Variants in MT1E observed in about 807,000 individuals in gnomAD.
MT1E encodes the protein metallothionein 1E.
Under a neutral mutation model 2.4 loss-of-function variants are expected in MT1E, and 1 was observed. The observed-to-expected ratio is 0.41, with a 90% CI of 0.15 to 1.97. The LOEUF (loss-of-function observed/expected upper bound fraction) is 1.97, where lower values mean the gene tolerates loss of function less well. Ranked by LOEUF, MT1E falls within the 30% of genes most tolerant of loss-of-function variation. MT1E has a pLI of 0.30. For missense variants in MT1E, 145 were observed against 149.6 expected (o/e 0.97, Z 0.16); for synonymous variants, 78 against 63.0 (o/e 1.24, Z -1.13).
rs150126269 is a variant in MT1E at position 56,627,110 on chromosome 16, T to G, written c.*289T>G. On this transcript the variant is annotated 3_prime_UTR_variant, in exon 2 of 2. Transcript: ENST00000330439. The stretch of plus-strand genomic sequence containing the variant: ...CTGACAATAAAAACAATTTTGACTT[T>G]AATCTTACTCTGTTCTTCTTTGTGT... 9.9e-3 allele frequency: 12,108 copies of G among 1,217,178 alleles called. 319 individuals are homozygous for G. Among genetic ancestry groups the G allele is most frequent in the South Asian group, 0.083 (5,377 of 64,496 alleles). The allele number at this position is 1,217,178 out of a possible 1,614,324, so 75.4% of individuals were successfully genotyped here.
At chr16:56,626,249 T>G (rs1338869036) in intron 1 of MT1E, among the ~76,000 whole-genome samples, 4 of 152,190 alleles carry the variant, frequency 2.6e-5, no homozygotes, top group African/African-American at 9.7e-5. Context: ...GGGTTGTATG[T>G]GCACGTGGGA....
In MT1E at chr16:56,626,758, G is replaced by C; in HGVS notation, c.321G>C (p.Leu107=). 6.2e-7 allele frequency: 1 copy of C among 1,611,972 alleles called. No individual in the cohort carries two copies. Among genetic ancestry groups the C allele is most frequent in the Non-Finnish European group, 8.5e-7 (1 of 1,179,222 alleles). The part of the protein sequence containing the change: ...NCTPYGFRTE[L]CQTKKSILWV... ...CCCCCTATGGTTTCAGAACAGAGCT[G>C]TGCCAGACGAAAAAAAGCATCCTCT... Residue 107 remains leucine, a synonymous_variant, in exon 2 of 2, where the codon CTG becomes CTC. Transcript: ENST00000330439.
At position 56,626,823 on chromosome 16, in the gene MT1E, G is replaced by A. The variant is rs779886504; in HGVS notation, c.*2G>A. On this transcript the variant is annotated 3_prime_UTR_variant, in exon 2 of 2. Transcript: ENST00000330439. ...AGCTCGAGCCAGGCTTGCTATTAGG[G>A]CAGGGAGGTGCCCGGTCAAGTCTAC... 47 of 1,614,014 alleles carry A rather than the reference G, an allele frequency of 2.9e-5. No homozygotes were observed. In the East Asian group the frequency reaches 1.0e-3, roughly 35 times the overall value.
chr16:56,625,868 C>T lies in MT1E; in HGVS notation c.17C>T (p.Ser6Phe). The T allele has an allele frequency of 6.2e-7, 1 of 1,613,788 alleles. No homozygotes were observed. ...TTGCTCGAAATGGACCCCAACTGCT[C>T]TTGCGCCACTGGTAAGGGAAGCTCT... The part of the protein sequence containing the change: MDPNC[S>F]CATGGSCTCA... Residue 6 changes from serine to phenylalanine, a missense_variant, in exon 1 of 2, where the codon TCT (serine) becomes TTT (phenylalanine). By Grantham distance (155) the Ser-to-Phe change is radical. Coordinates refer to ENST00000330439, the MANE Select transcript of MT1E (RefSeq NM_001363555.2).
rs747711539 is a variant in MT1E, at chr16:56,626,609, T to C, written c.172T>C (p.Ser58Pro). The C allele has an allele frequency of 3.1e-6, 5 of 1,613,952 alleles. No individual in the cohort carries two copies. The highest frequency in any genetic ancestry group is 2.2e-5 in the South Asian group (2 of 91,088). Residue 58 changes from serine to proline, a missense_variant, in exon 2 of 2, where the codon TCC (serine) becomes CCC (proline). Transcript: ENST00000330439. Reference protein sequence around the residue: ...GGNSRLALSASFWGTGLSLPS... With the variant: ...GGNSRLALSAPFWGTGLSLPS... ...GAACTCAAGGCTGGCCCTGAGTGCA[T>C]CCTTCTGGGGAACTGGGCTTTCTTT...
rs368799710 is a variant in MT1E, at chr16:56,626,836, C to T, written c.*15C>T. On this transcript the variant is annotated 3_prime_UTR_variant, in exon 2 of 2. Transcript: ENST00000330439. ...CTTGCTATTAGGGCAGGGAGGTGCCCGGTCAAGTCTACTGCCACCTCTCAC... is the reference window on the plus strand; with the variant it reads ...CTTGCTATTAGGGCAGGGAGGTGCCTGGTCAAGTCTACTGCCACCTCTCAC... 1.2e-5 allele frequency: 20 copies of T among 1,614,160 alleles called. No homozygotes were observed. Among genetic ancestry groups the T allele is most frequent in the East Asian group, 4.5e-5 (2 of 44,886 alleles).
chr16:56,626,335 T>C, intron 1 of MT1E, 131 bp from the exon 2 acceptor site: 2 of 1,373,076 alleles, frequency 1.5e-6, no homozygotes, highest in Non-Finnish European at 2.1e-6. Context: ...CTTCTGTTCC[T>C]CTGTCCTGAG....
Position 56,626,699 on chromosome 16 carries a change from G to T in MT1E, c.262G>T (p.Ala88Ser). 1.9e-6 allele frequency: 3 copies of T among 1,589,202 alleles called. No homozygotes were observed. The highest frequency in any genetic ancestry group is 2.6e-6 in the Non-Finnish European group (3 of 1,167,810). Residue 88 changes from alanine (A) to serine (S), a missense_variant, in exon 2 of 2, where the codon GCA becomes TCA. Ala to Ser is a moderately conservative substitution (Grantham distance 99, BLOSUM62 1). Transcript: ENST00000330439. ...FCPKFRWGRT[A>S]FFSWDTNPNC... The stretch of plus-strand genomic sequence containing the variant: ...CCCTAAATTCAGATGGGGCAGGACA[G>T]CATTTTTCTCGTGGGACACAAACCC...
Position 56,627,098 on chromosome 16 carries a change from C to A in MT1E, c.*277C>A, listed in dbSNP as rs1466044404. 2 of 1,289,630 alleles carry A rather than the reference C, an allele frequency of 1.6e-6. No homozygotes were observed. The highest frequency in any genetic ancestry group is 1.1e-6 in the Non-Finnish European group (1 of 943,112). 79.9% of individuals were successfully genotyped at this position (1,289,630 alleles called of 1,614,324 possible). A position where few individuals can be genotyped will look rare whatever the true frequency, so the allele number is the denominator to read the frequency against. The stretch of plus-strand genomic sequence containing the variant: ...CTAAATATGTGACTGACAATAAAAA[C>A]AATTTTGACTTTAATCTTACTCTGT... On this transcript the variant is annotated 3_prime_UTR_variant, in exon 2 of 2. Transcript: ENST00000330439.
rs1176019977 is a variant in MT1E at position 56,626,853 on chromosome 16, A to C, written c.*32A>C. 6.2e-7 allele frequency: 1 copy of C among 1,613,992 alleles called. No homozygotes were observed. The highest frequency in any genetic ancestry group is 8.5e-7 in the Non-Finnish European group (1 of 1,180,002). On this transcript the variant is annotated 3_prime_UTR_variant, in exon 2 of 2. Coordinates refer to ENST00000330439, the MANE Select transcript of MT1E (RefSeq NM_001363555.2). ...GAGGTGCCCGGTCAAGTCTACTGCC[A>C]CCTCTCACTCTCCCCTTCTTCCCCA...
chr16:56,626,843 G>A lies in MT1E; in HGVS notation c.*22G>A. ...TTAGGGCAGGGAGGTGCCCGGTCAA[G>A]TCTACTGCCACCTCTCACTCTCCCC... is the stretch of plus-strand genomic sequence containing the variant. On this transcript the variant is annotated 3_prime_UTR_variant, in exon 2 of 2. Coordinates refer to ENST00000330439, the MANE Select transcript of MT1E (RefSeq NM_001363555.2). 2.5e-6 allele frequency: 4 copies of A among 1,614,216 alleles called. No homozygotes were observed. Among genetic ancestry groups the A allele is most frequent in the Non-Finnish European group, 2.5e-6 (3 of 1,180,030 alleles).
Position 56,627,109 on chromosome 16 carries a change from T to G in MT1E, c.*288T>G. The G allele has an allele frequency of 8.2e-7, 1 of 1,223,048 alleles. No homozygotes were observed. The highest frequency in any genetic ancestry group is 1.5e-5 in the South Asian group (1 of 64,818). The allele number at this position is 1,223,048 out of a possible 1,614,324, so 75.8% of individuals were successfully genotyped here. On this transcript the variant is annotated 3_prime_UTR_variant, in exon 2 of 2. Coordinates refer to ENST00000330439, the MANE Select transcript of MT1E (RefSeq NM_001363555.2). ...ACTGACAATAAAAACAATTTTGACT[T>G]TAATCTTACTCTGTTCTTCTTTGTG...
rs1326245520 is a variant in MT1E at position 56,627,003 on chromosome 16, A to G, written c.*182A>G. 2 of 1,612,278 alleles carry G rather than the reference A, an allele frequency of 1.2e-6. No homozygotes were observed. Among genetic ancestry groups the G allele is most frequent in the African/African-American group, 2.7e-5 (2 of 74,836 alleles). On this transcript the variant is annotated 3_prime_UTR_variant, in exon 2 of 2. Coordinates refer to ENST00000330439, the MANE Select transcript of MT1E (RefSeq NM_001363555.2). The stretch of plus-strand genomic sequence containing the variant: ...AACAGCTCTTCTCCCAGATGTAAAT[A>G]GAACAACCTGCACAACCTGGATTTT...
At position 56,626,773 on chromosome 16, in the gene MT1E, A is replaced by G. The variant is rs117777471; in HGVS notation, c.336A>G (p.Lys112=). 0.098 allele frequency: 157,370 copies of G among 1,613,292 alleles called. 8,759 individuals are homozygous for G. The highest frequency in any genetic ancestry group is 0.11 in the Non-Finnish European group (134,147 of 1,179,654). The change falls in exon 2 of 2, where the codon AAA becomes AAG. Residue 112 remains lysine (K), a synonymous_variant. Transcript: ENST00000330439. ...GFRTELCQTK[K]SILWVWVLSS... is the part of the protein sequence containing the mutation. ...GAACAGAGCTGTGCCAGACGAAAAA[A>G]AGCATCCTCTGGGTCTGGGTTCTGA... is the stretch of plus-strand genomic sequence containing the variant.
chr16:56,627,037 T>C lies in MT1E; in HGVS notation c.*216T>C, dbSNP rs930283643. 22 of 1,585,980 alleles carry C rather than the reference T, an allele frequency of 1.4e-5. No individual in the cohort carries two copies. The African/African-American group carries it at 2.7e-4, about 19-fold the overall frequency. On this transcript the variant is annotated 3_prime_UTR_variant, in exon 2 of 2. Transcript: ENST00000330439. ...TGCACAACCTGGATTTTTTTAAAAA[T>C]ACAACACTGAGCCATTTGCTGCATT... is the stretch of plus-strand genomic sequence containing the variant.
In MT1E at chr16:56,627,105, G is replaced by T; in HGVS notation, c.*284G>T. ...TGTGACTGACAATAAAAACAATTTTGACTTTAATCTTACTCTGTTCTTCTT... is the reference window on the plus strand; with the variant it reads ...TGTGACTGACAATAAAAACAATTTTTACTTTAATCTTACTCTGTTCTTCTT... On this transcript the variant is annotated 3_prime_UTR_variant, in exon 2 of 2. Transcript: ENST00000330439. 1.6e-6 allele frequency: 2 copies of T among 1,255,216 alleles called. No individual in the cohort carries two copies. The highest frequency in any genetic ancestry group is 1.1e-6 in the Non-Finnish European group (1 of 916,022). The allele number at this position is 1,255,216 out of a possible 1,614,324, so 77.8% of individuals were successfully genotyped here. A position where few individuals can be genotyped will look rare whatever the true frequency, so the allele number is the denominator to read the frequency against.
chr16:56,626,573 A>G lies in MT1E; in HGVS notation c.136A>G (p.Arg46Gly), dbSNP rs372095751. The change falls in exon 2 of 2, where the codon AGG becomes GGG. Residue 46 changes from arginine to glycine, a missense_variant. Coordinates refer to ENST00000330439, the MANE Select transcript of MT1E (RefSeq NM_001363555.2). ...CTCCAGGAATCTGGGGCTGTGGCTC[A>G]GGTTGGGAGGGAACTCAAGGCTGGC... ...AISRNLGLWL[R>G]LGGNSRLALS... The G allele has an allele frequency of 4.2e-5, 67 of 1,614,228 alleles. No homozygotes were observed. The African/African-American group carries it at 7.5e-4, about 18-fold the overall frequency.
rs374492599 is a variant in MT1E, at chr16:56,627,012, T to C, written c.*191T>C. On this transcript the variant is annotated 3_prime_UTR_variant, in exon 2 of 2. Transcript: ENST00000330439. ...TCTCCCAGATGTAAATAGAACAACC[T>C]GCACAACCTGGATTTTTTTAAAAAT... 6.2e-7 allele frequency: 1 copy of C among 1,607,430 alleles called. No individual in the cohort carries two copies. Among genetic ancestry groups the C allele is most frequent in the Non-Finnish European group, 8.5e-7 (1 of 1,176,576 alleles).
Position 56,626,962 on chromosome 16 carries a change from C to T in MT1E, c.*141C>T. 3 of 1,614,250 alleles carry T rather than the reference C, an allele frequency of 1.9e-6. No individual in the cohort carries two copies. The highest frequency in any genetic ancestry group is 2.5e-6 in the Non-Finnish European group (3 of 1,180,046). On this transcript the variant is annotated 3_prime_UTR_variant, in exon 2 of 2. Transcript: ENST00000330439. Reference sequence around the variant, plus strand: ...AAGGGGCATCGGAGAAGTGCAGCTGCTGTGCCTGATGTGGGAACAGCTCTT... The same window carrying T: ...AAGGGGCATCGGAGAAGTGCAGCTGTTGTGCCTGATGTGGGAACAGCTCTT...
Sources: allele counts gnomAD v4.1 joint callset (sites outside exome capture counted in the v4.1 genomes callset), GRCh38; gene constraint gnomAD v4.1.1; transcripts MANE v1.5; gene names NCBI Gene and HGNC (gene_info 2026-07-23, HGNC 2026-07-21).